ZNF648: variants seen among roughly 807,000 people sequenced by gnomAD.
ZNF648 encodes the protein zinc finger protein 648.
Under a neutral mutation model 0.3 loss-of-function variants are expected in ZNF648, and 1 was observed. The observed-to-expected ratio is 3.90, with a 90% CI of 1.39 to 18.51. The LOEUF is 18.51. Ranked by LOEUF, ZNF648 falls within the 30% of genes most tolerant of loss-of-function variation. The probability of loss-of-function intolerance (pLI) is 0.11; values close to 1 mark genes in which losing one functional copy is unlikely to be tolerated. For missense variants in ZNF648, 874 were observed against 769.7 expected (o/e 1.14, Z -1.60); for synonymous variants, 376 against 326.8 (o/e 1.15, Z -1.62).
chr1:182,060,172 C>T (rs576347580), intron 1 of ZNF648, among the ~76,000 whole-genome samples: 9 of 152,330 alleles, frequency 5.9e-5, no homozygotes, highest in South Asian at 2.1e-4. Flanking sequence ...GATTGCCCTC[C>T]GCCAAAGAGA....
chr1:182,057,483 C>T lies in ZNF648; in HGVS notation c.528G>A (p.Ala176=). 2 of 1,614,196 alleles carry T rather than the reference C, an allele frequency of 1.2e-6. No individual in the cohort carries two copies. Among genetic ancestry groups the T allele is most frequent in the Non-Finnish European group, 1.7e-6 (2 of 1,180,032 alleles). ...SFPSNGKYLC[A]HKSVDTSAGN... Reference sequence around the variant, plus strand: ...CTGCGGACGTGTCTACACTTTTGTGCGCACAGAGATACTTTCCATTGCTGG... The same window carrying T: ...CTGCGGACGTGTCTACACTTTTGTGTGCACAGAGATACTTTCCATTGCTGG... The change falls in exon 2 of 2, where the codon GCG becomes GCA. Residue 176 remains alanine, a synonymous_variant. Coordinates refer to ENST00000339948, the MANE Select transcript of ZNF648 (RefSeq NM_001009992.1).
chr1:182,065,018 A>T (rs560418556), upstream of ZNF648: 1 of 152,336 alleles, frequency 6.6e-6, no homozygotes, highest in African/African-American at 2.4e-5. Flanking sequence ...CTATGCTAGC[A>T]TGCCACACAC....
chr1:182,058,156 A>G, intron 1 of ZNF648, 83 bp from the exon 2 acceptor site: 5 of 971,466 alleles, frequency 5.1e-6, no homozygotes, highest in Non-Finnish European at 7.5e-6. Flanking sequence ...GGTTCCCACT[A>G]TAGCTCTGTT....
upstream of ZNF648, among the ~76,000 whole-genome samples, chr1:182,061,991 G>A (rs142545931): frequency 6.6e-6 from 1 of 152,320 alleles, no homozygotes; most frequent in African/African-American, 2.4e-5. Flanking sequence ...TGGGCCACAT[G>A]TCACTTGTGA....
intron 1 of ZNF648, among the ~76,000 whole-genome samples, chr1:182,061,123 G>A (rs564160230): frequency 6.6e-6 from 1 of 152,134 alleles, no homozygotes; most frequent in Non-Finnish European, 1.5e-5. Context: ...TCCTCCTGTC[G>A]CTGCCACACG....
In ZNF648 at chr1:182,057,984, C is replaced by A; in HGVS notation, c.27G>T (p.Arg9Ser). MAQVDSQD[R>S]WGEASPLSSL... ...TGCTGAGAGGAGACGCCTCTCCCCA[C>A]CTGTCCTGGGAGTCCACTTGTGCCA... is the stretch of plus-strand genomic sequence containing the variant. Residue 9 changes from arginine to serine, a missense_variant, in exon 2 of 2, where the codon AGG becomes AGT. Coordinates refer to ENST00000339948, the MANE Select transcript of ZNF648 (RefSeq NM_001009992.1). 6.2e-7 allele frequency: 1 copy of A among 1,611,236 alleles called. No homozygotes were observed. The highest frequency in any genetic ancestry group is 8.5e-7 in the Non-Finnish European group (1 of 1,178,616).
rs767413557 is a variant in ZNF648, at chr1:182,057,379, T to C, written c.632A>G (p.Gln211Arg). 9.3e-6 allele frequency: 15 copies of C among 1,613,120 alleles called. No individual in the cohort carries two copies. The highest frequency in any genetic ancestry group is 1.2e-5 in the Non-Finnish European group (14 of 1,179,938). The change falls in exon 2 of 2, where the codon CAG (glutamine) becomes CGG (arginine). Residue 211 changes from glutamine to arginine, a missense_variant. Coordinates refer to ENST00000339948, the MANE Select transcript of ZNF648 (RefSeq NM_001009992.1). ...CAGGCTGGCTGGGGTGGCCGACGCC[T>C]GGGCTGGTGTATGTGTCTCTTGCGT... ...LPTQETHTPA[Q>R]ASATPASLAA...
intron 1 of ZNF648, among the ~76,000 whole-genome samples, chr1:182,058,918 G>A (rs577209569): frequency 2.6e-5 from 4 of 152,250 alleles, no homozygotes; most frequent in African/African-American, 4.8e-5. Context: ...TCTGCCTCCC[G>A]GTTCAAGTGA....
At chr1:182,066,501 C>T (rs1666102212), upstream of ZNF648, among the ~76,000 whole-genome samples, 1 of 152,136 alleles carries the variant, frequency 6.6e-6, no homozygotes, top group African/African-American at 2.4e-5. Flanking sequence ...GTTAAGTGGC[C>T]AATACATGGT....
At position 182,057,444 on chromosome 1, in the gene ZNF648, CAGAGA is replaced by C; in HGVS notation, c.562_566del (p.Ser188ValfsTer57). ...TGCTCCCCGGCCTGGGGAAACACAA[CAGAGA>C]AGAGTTCCCTGCGGACGTGTCTACA... On this transcript the variant is annotated frameshift_variant, in exon 2 of 2. Transcript: ENST00000339948. LOFTEE classifies it low-confidence loss of function (END_TRUNC). The C allele has an allele frequency of 3.1e-6, 5 of 1,614,224 alleles. No individual in the cohort carries two copies. The highest frequency in any genetic ancestry group is 4.2e-6 in the Non-Finnish European group (5 of 1,180,034).
chr1:182,060,819 T>C (rs1239149249), intron 1 of ZNF648, among the ~76,000 whole-genome samples: 1 of 151,760 alleles, frequency 6.6e-6, no homozygotes, highest in African/African-American at 2.4e-5. Context: ...ATGAAACACA[T>C]GTCTTAGGTC....
In ZNF648 at chr1:182,056,913, GC is replaced by G. The variant is rs1557970831; in HGVS notation, c.1097del (p.Cys366SerfsTer6). On this transcript the variant is annotated frameshift_variant, in exon 2 of 2. Coordinates refer to ENST00000339948, the MANE Select transcript of ZNF648 (RefSeq NM_001009992.1). LOFTEE classifies it low-confidence loss of function (END_TRUNC). ...NMHSNNKPFP[C>X]SECGLTFNKP... ...TGTTGAAGGTCAGGCCGCACTCGGA[GC>G]ACGGGAAGGGCTTATTGTTGCTGTG... 1 of 1,601,144 alleles carries G rather than the reference GC, an allele frequency of 6.2e-7. No homozygotes were observed. The highest frequency in any genetic ancestry group is 8.5e-7 in the Non-Finnish European group (1 of 1,174,166).
upstream of ZNF648, chr1:182,064,244 A>C (rs1479816916): frequency 6.6e-6 from 1 of 152,188 alleles, no homozygotes; most frequent in Non-Finnish European, 1.5e-5. Flanking sequence ...GAAGAATGTC[A>C]GTGGTAGTTT....
rs995459509 is a variant in ZNF648 at position 182,058,000 on chromosome 1, A to C, written c.11T>G (p.Val4Gly). Reference sequence around the variant, plus strand: ...CTCTCCCCACCTGTCCTGGGAGTCCACTTGTGCCATGATGTTCAGGCGCTT... The same window carrying C: ...CTCTCCCCACCTGTCCTGGGAGTCCCCTTGTGCCATGATGTTCAGGCGCTT... MAQ[V>G]DSQDRWGEAS... The change falls in exon 2 of 2, where the codon GTG becomes GGG. Residue 4 changes from valine to glycine, a missense_variant. Coordinates refer to ENST00000339948, the MANE Select transcript of ZNF648 (RefSeq NM_001009992.1). 4.4e-6 allele frequency: 7 copies of C among 1,605,302 alleles called. No homozygotes were observed. Among genetic ancestry groups the C allele is most frequent in the Non-Finnish European group, 8.5e-7 (1 of 1,176,376 alleles).
At chr1:182,061,381 C>A (rs1356702484) in intron 1 of ZNF648, among the ~76,000 whole-genome samples, 187 bp downstream of exon 1, 1 of 152,210 alleles carries the variant, frequency 6.6e-6, no homozygotes, top group African/African-American at 2.4e-5. Flanking sequence ...CTCATACATC[C>A]ATCAACACTC....
At chr1:182,062,182 C>T (rs1666040885), upstream of ZNF648, among the ~76,000 whole-genome samples, 1 of 152,182 alleles carries the variant, frequency 6.6e-6, no homozygotes, top group Non-Finnish European at 1.5e-5. Flanking sequence ...TGCCCACAGC[C>T]TTTTAACTGG....
At position 182,056,257 on chromosome 1, in the gene ZNF648, G is replaced by T; in HGVS notation, c.*47C>A. The T allele has an allele frequency of 6.4e-7, 1 of 1,553,550 alleles. No individual in the cohort carries two copies. The highest frequency in any genetic ancestry group is 8.7e-7 in the Non-Finnish European group (1 of 1,148,758). On this transcript the variant is annotated 3_prime_UTR_variant, in exon 2 of 2. Coordinates refer to ENST00000339948, the MANE Select transcript of ZNF648 (RefSeq NM_001009992.1). ...GTGAGGCTGGCAATACCATGTGAGT[G>T]GGCCCACCTGGGAAGGTTCCAAGTA...
chr1:182,065,038 A>G (rs1031758563), upstream of ZNF648: 1 of 152,202 alleles, frequency 6.6e-6, no homozygotes, highest in African/African-American at 2.4e-5. Flanking sequence ...CAATGCCCCA[A>G]TTAATCTTCA....
chr1:182,061,299 C>A (rs1666028635), intron 1 of ZNF648, among the ~76,000 whole-genome samples: 1 of 152,216 alleles, frequency 6.6e-6, no homozygotes, highest in Non-Finnish European at 1.5e-5. Flanking sequence ...GCTGTCAGAG[C>A]AGTCCTTTGC....
Sources: allele counts gnomAD v4.1 joint callset (sites outside exome capture counted in the v4.1 genomes callset), GRCh38; gene constraint gnomAD v4.1.1; transcripts MANE v1.5; gene names NCBI Gene and HGNC (gene_info 2026-07-23, HGNC 2026-07-21).